The following FOXO3 variants were observed in gnomAD, a reference collection of about 807,000 sequenced individuals.
FOXO3 encodes forkhead box protein O3.
Under a neutral mutation model 41.9 loss-of-function variants are expected in FOXO3, and 4 were observed. The ratio of observed to expected loss-of-function variants is 0.10; its 90% confidence interval spans 0.05 to 0.22. The LOEUF is 0.22. FOXO3 is among the 10% of genes least tolerant of loss of function. The pLI, the probability that FOXO3 is intolerant of heterozygous loss-of-function variation, is 1.00. For missense variants in FOXO3, 534 were observed against 906.8 expected (o/e 0.59, Z 5.28); for synonymous variants, 318 against 389.3 (o/e 0.82, Z 2.16).
intron 1 of FOXO3, among the ~76,000 whole-genome samples, chr6:108,583,585 G>T (rs1291371511): frequency 6.6e-6 from 1 of 152,130 alleles, no homozygotes; most frequent in Non-Finnish European, 1.5e-5. Context: ...AATAATGTTT[G>T]GTACACTTGG....
intron 1 of FOXO3, among the ~76,000 whole-genome samples, chr6:108,590,380 G>A (rs1311226837): frequency 6.6e-6 from 1 of 152,134 alleles, no homozygotes; most frequent in Non-Finnish European, 1.5e-5. Context: ...CTTTTTGAGC[G>A]TTGACATGAC....
At chr6:108,591,513 A>G (rs984044176) in intron 1 of FOXO3, among the ~76,000 whole-genome samples, 2 of 152,260 alleles carry the variant, frequency 1.3e-5, no homozygotes, top group Non-Finnish European at 2.9e-5. Flanking sequence ...GGGAAAAAGC[A>G]GAAGGGTTGG....
intron 2 of FOXO3, among the ~76,000 whole-genome samples, chr6:108,667,425 G>GTT (rs1405576854): frequency 6.6e-6 from 1 of 152,196 alleles, no homozygotes; most frequent in African/African-American, 2.4e-5. Flanking sequence ...AAAGACACAA[G>GTT]TAAGTTTTAA....
intron 1 of FOXO3, among the ~76,000 whole-genome samples, chr6:108,648,172 T>C (rs1261539205): frequency 6.6e-6 from 1 of 152,138 alleles, no homozygotes; most frequent in Non-Finnish European, 1.5e-5. Flanking sequence ...CAGGACTCCA[T>C]AATGGAATCT....
intron 1 of FOXO3, among the ~76,000 whole-genome samples, chr6:108,629,818 C>G (rs1222845075): frequency 6.6e-6 from 1 of 152,106 alleles, no homozygotes; most frequent in Non-Finnish European, 1.5e-5. Context: ...TATTTTTCCT[C>G]CATAAATTCC....
At chr6:108,653,375 CT>C (rs1435343038) in intron 1 of FOXO3, among the ~76,000 whole-genome samples, 1 of 152,138 alleles carries the variant, frequency 6.6e-6, no homozygotes, top group East Asian at 1.9e-4. Context: ...AGACTGCACC[CT>C]GCATTTTATC....
upstream of FOXO3, among the ~76,000 whole-genome samples, chr6:108,560,713 G>C (rs775943203): frequency 4.1e-4 from 63 of 152,080 alleles, no homozygotes; most frequent in South Asian, 1.0e-3. Context: ...CCGAGCTCGG[G>C]CTCTGACCGC....
chr6:108,593,072 A>G (rs1233753211), intron 1 of FOXO3, among the ~76,000 whole-genome samples: 3 of 152,234 alleles, frequency 2.0e-5, no homozygotes, highest in South Asian at 2.1e-4. Flanking sequence ...CAAGTTCTCC[A>G]TGTCTAGTCA....
At chr6:108,575,451 A>G (rs1273199881) in intron 1 of FOXO3, among the ~76,000 whole-genome samples, 1 of 152,006 alleles carries the variant, frequency 6.6e-6, no homozygotes, top group Non-Finnish European at 1.5e-5. Flanking sequence ...ATGGTTTCAT[A>G]GAGTAAAACA....
rs145452660 is a variant in FOXO3, at chr6:108,616,554, C to A, written c.622-46901C>A. Among the ~76,000 whole-genome samples the A allele has an allele frequency of 6.5e-3, 996 of 152,286 alleles. 21 individuals carry two copies. Among genetic ancestry groups the A allele is most frequent in the South Asian group, 0.047 (228 of 4,826 alleles). On this transcript the variant is annotated intron_variant, in intron 1 of 2. Coordinates refer to ENST00000406360, the MANE Select transcript of FOXO3 (RefSeq NM_001455.4). ...TCAAGCAATCCTCCCAACTCTGCTT[C>A]TCAAAGTGCTGGGATTACAGGTGTG...
chr6:108,619,089 G>A (rs1204502033), intron 1 of FOXO3, among the ~76,000 whole-genome samples: 1 of 152,120 alleles, frequency 6.6e-6, no homozygotes, highest in African/African-American at 2.4e-5. Context: ...TGTTTTGCCT[G>A]GTTTTCTAGT....
upstream of FOXO3, chr6:108,560,757 T>G: frequency 4.0e-6 from 1 of 252,686 alleles, no homozygotes; most frequent in East Asian, 7.0e-5. Context: ...CGCTGCCCGC[T>G]TTAAAGGCGC....
chr6:108,649,515 C>CTTTTTT (rs886836999), intron 1 of FOXO3, among the ~76,000 whole-genome samples: 3 of 95,206 alleles, frequency 3.2e-5, no homozygotes, highest in Non-Finnish European at 6.4e-5. Context: ...CCACCCTCAG[C>CTTTTTT]TTTTTTTTTT....
At chr6:108,608,493 G>A (rs535781686) in intron 1 of FOXO3, among the ~76,000 whole-genome samples, 2 of 152,084 alleles carry the variant, frequency 1.3e-5, no homozygotes, top group Admixed American at 6.5e-5. Flanking sequence ...AACTTTTTGG[G>A]TTAAAAAAAA....
chr6:108,613,251 CTT>C (rs769085958), intron 1 of FOXO3, among the ~76,000 whole-genome samples: 11 of 152,118 alleles, frequency 7.2e-5, no homozygotes, highest in Non-Finnish European at 1.5e-4. Context: ...TAATGGTGGT[CTT>C]ATAACATGAG....
chr6:108,649,262 T>C (rs1213808667), intron 1 of FOXO3, among the ~76,000 whole-genome samples: 1 of 152,114 alleles, frequency 6.6e-6, no homozygotes, highest in East Asian at 1.9e-4. Context: ...TCTTAAATCA[T>C]TTGTAATAGG....
intron 1 of FOXO3, among the ~76,000 whole-genome samples, chr6:108,651,966 T>C (rs140592531): frequency 2.9e-4 from 44 of 152,342 alleles, no homozygotes; most frequent in Non-Finnish European, 5.4e-4. Context: ...TTAAATAGTA[T>C]AGAGCTGAGT....
At chr6:108,597,594 G>T (rs1776920935) in intron 1 of FOXO3, among the ~76,000 whole-genome samples, 2 of 152,132 alleles carry the variant, frequency 1.3e-5, no homozygotes, top group Non-Finnish European at 2.9e-5. Context: ...AGGGCAAAAG[G>T]GTACTTTGAT....
In FOXO3 at chr6:108,680,536, G is replaced by T. The variant is rs1457733218; in HGVS notation, c.*744G>T. 1 of 152,400 alleles carries T rather than the reference G, an allele frequency of 6.6e-6. No homozygotes were observed. The highest frequency in any genetic ancestry group is 1.9e-4 in the East Asian group (1 of 5,204). 9.4% of individuals were successfully genotyped at this position (152,400 alleles called of 1,614,324 possible). ...CGGCCCAGTGTGTTTCCGGTTCTGA[G>T]TCAGGGTGATCTGTGGACGGGACCC... On this transcript the variant is annotated 3_prime_UTR_variant, in exon 3 of 3. Transcript: ENST00000406360.
Sources: allele counts gnomAD v4.1 joint callset (sites outside exome capture counted in the v4.1 genomes callset), GRCh38; gene constraint gnomAD v4.1.1; transcripts MANE v1.5; gene names NCBI Gene and HGNC (gene_info 2026-07-23, HGNC 2026-07-21).